The following LARGE1 variants were observed in gnomAD, a reference collection of about 807,000 sequenced individuals.
The protein encoded by LARGE1 is xylosyl- and glucuronyltransferase LARGE1.
In LARGE1, 43 loss-of-function variants were observed where a neutral mutation model predicts 87.6. That is an observed-to-expected ratio of 0.49 (90% CI 0.38 to 0.63). The LOEUF (loss-of-function observed/expected upper bound fraction) is 0.63, where lower values mean the gene tolerates loss of function less well. LARGE1 is among the 30% of genes least tolerant of loss of function. LARGE1 has a pLI of 0.00. For synonymous variants in LARGE1, 434 were observed against 394.6 expected (o/e 1.10, Z -1.18); for missense variants, 802 against 1,000.2 (o/e 0.80, Z 2.67).
intron 5 of LARGE1, among the ~76,000 whole-genome samples, chr22:33,572,461 T>C (rs2078234784): frequency 6.6e-6 from 1 of 152,028 alleles, no homozygotes; most frequent in Non-Finnish European, 1.5e-5. Flanking sequence ...CAAAGTCACC[T>C]CTCTAAGTCT....
chr22:33,405,826 T>G (rs568723102), intron 7 of LARGE1, among the ~76,000 whole-genome samples: 1 of 152,218 alleles, frequency 6.6e-6, no homozygotes, highest in Non-Finnish European at 1.5e-5. Flanking sequence ...AATGGGCCCT[T>G]ACTACGTGTA....
At chr22:33,878,050 TA>T (rs2064524634) in intron 1 of LARGE1, among the ~76,000 whole-genome samples, 1 of 151,454 alleles carries the variant, frequency 6.6e-6, no homozygotes, top group Middle Eastern at 3.4e-3. Flanking sequence ...ATTATTAAAT[TA>T]ATTTTACCTC....
chr22:33,564,174 A>G (rs2077950861), intron 6 of LARGE1, among the ~76,000 whole-genome samples: 1 of 152,162 alleles, frequency 6.6e-6, no homozygotes, highest in Non-Finnish European at 1.5e-5. Context: ...AAATAATATA[A>G]TTTTTAAAAA....
intron 1 of LARGE1, among the ~76,000 whole-genome samples, chr22:33,882,699 C>T (rs559528822): frequency 6.6e-6 from 1 of 152,342 alleles, no homozygotes; most frequent in African/African-American, 2.4e-5. Flanking sequence ...TACCTCACTT[C>T]AGCATGTCTA....
At chr22:33,798,850 G>A (rs2086069403) in intron 1 of LARGE1, among the ~76,000 whole-genome samples, 2 of 152,138 alleles carry the variant, frequency 1.3e-5, no homozygotes, top group Non-Finnish European at 1.5e-5. Flanking sequence ...AGGGCTTTCC[G>A]TGCTGCTCTA....
intron 4 of LARGE1, among the ~76,000 whole-genome samples, chr22:33,619,062 C>A (rs1280619031): frequency 6.6e-6 from 1 of 152,176 alleles, no homozygotes; most frequent in Non-Finnish European, 1.5e-5. Flanking sequence ...CGCATCCTCT[C>A]CCCACTAAAA....
chr22:33,285,751 T>C (rs560960043), intron 12 of LARGE1, among the ~76,000 whole-genome samples: 1 of 152,312 alleles, frequency 6.6e-6, no homozygotes, highest in South Asian at 2.1e-4. Context: ...AGAGGAATCA[T>C]ACCATAAGGA....
At chr22:33,344,678 C>T (rs1471145322) in intron 9 of LARGE1, among the ~76,000 whole-genome samples, 1 of 152,158 alleles carries the variant, frequency 6.6e-6, no homozygotes, top group Admixed American at 6.5e-5. Flanking sequence ...TGTCTGACTA[C>T]TAAGAAATGT....
exon 12 of LARGE1, chr22:33,164,500 T>TTTTG (rs1922159116): frequency 5.3e-5 from 1 of 18,720 alleles, no homozygotes; most frequent in Non-Finnish European, 9.3e-5. Context: ...TAAGATTTTG[T>TTTTG]TTTTTTTTTT....
chr22:33,805,786 AAAT>A (rs1335240233), intron 1 of LARGE1, among the ~76,000 whole-genome samples: 32 of 151,898 alleles, frequency 2.1e-4, no homozygotes, highest in African/African-American at 7.7e-4. Context: ...TAAATAAATA[AAAT>A]AACAACCATC....
chr22:33,372,052 A>G (rs1371976445), intron 9 of LARGE1, among the ~76,000 whole-genome samples: 1 of 152,112 alleles, frequency 6.6e-6, no homozygotes, highest in African/African-American at 2.4e-5. Context: ...TGTTTATAAA[A>G]TAACTTTTCA....
intron 9 of LARGE1, among the ~76,000 whole-genome samples, chr22:33,345,280 G>A (rs544229328): frequency 1.2e-4 from 18 of 152,282 alleles, no homozygotes; most frequent in African/African-American, 1.7e-4. Context: ...GAAAGTAGGA[G>A]AGTCAGGATT....
chr22:33,227,282 T>C (rs1376172896), intron 11 of LARGE1, among the ~76,000 whole-genome samples: 2 of 152,178 alleles, frequency 1.3e-5, no homozygotes, highest in African/African-American at 4.8e-5. Context: ...TAGTTAGTGC[T>C]CCTGACTACT....
chr22:33,187,165 A>G (rs146577238), intron 11 of LARGE1, among the ~76,000 whole-genome samples: 3 of 152,292 alleles, frequency 2.0e-5, no homozygotes, highest in African/African-American at 7.2e-5. Context: ...AATGAAACCG[A>G]TTTGTTGAGG....
chr22:33,207,646 C>T (rs867519574), intron 11 of LARGE1, among the ~76,000 whole-genome samples: 8 of 152,286 alleles, frequency 5.3e-5, no homozygotes, highest in Middle Eastern at 6.8e-3. Flanking sequence ...GTGAGAGCGT[C>T]GGCGACCCCA....
chr22:33,782,130 G>A (rs147898849), intron 1 of LARGE1, among the ~76,000 whole-genome samples: 166 of 152,308 alleles, frequency 1.1e-3, no homozygotes, highest in Admixed American at 9.1e-3. Context: ...TCTGGAGTCC[G>A]AGTTCTTCTT....
chr22:33,340,934 G>C (rs1939073834), intron 9 of LARGE1, among the ~76,000 whole-genome samples: 1 of 151,754 alleles, frequency 6.6e-6, no homozygotes, highest in Admixed American at 6.6e-5. Flanking sequence ...AAAACATTCT[G>C]TTTCATGCTT....
intron 1 of LARGE1, among the ~76,000 whole-genome samples, chr22:33,898,992 T>G (rs373195271): frequency 3.8e-4 from 58 of 152,312 alleles, no homozygotes; most frequent in African/African-American, 1.3e-3. Flanking sequence ...CTATCAGAAG[T>G]GAACAGGACC....
Position 33,397,782 on chromosome 22 carries a change from G to A in LARGE1, c.893-13478C>T, listed in dbSNP as rs145654638. Among the ~76,000 whole-genome samples the A allele has an allele frequency of 3.1e-3, 473 of 152,244 alleles. 2 individuals carry two copies. The highest frequency in any genetic ancestry group is 5.2e-3 in the South Asian group (25 of 4,822). On this transcript the variant is annotated intron_variant, in intron 7 of 14. Coordinates refer to ENST00000397394, the MANE Select transcript of LARGE1 (RefSeq NM_133642.5). Reference sequence around the variant, plus strand: ...GGTTCTGAAGTATTCCAATTGCTCCGCAGTCCCACTAAAAACTGGCATTGT... The same window carrying A: ...GGTTCTGAAGTATTCCAATTGCTCCACAGTCCCACTAAAAACTGGCATTGT...
Sources: gnomAD v4.1 joint callset for allele counts (sites outside exome capture counted in the v4.1 genomes callset) on GRCh38, gnomAD v4.1.1 for gene constraint, MANE v1.5 for transcripts, NCBI Gene and HGNC (gene_info 2026-07-23, HGNC 2026-07-21) for gene names.